CDK1: variants seen among roughly 807,000 people sequenced by gnomAD.
CDK1 encodes the protein cyclin-dependent kinase 1.
Under a neutral mutation model 34.6 loss-of-function variants are expected in CDK1, and 5 were observed. The observed-to-expected ratio is 0.14, with a 90% CI of 0.08 to 0.30. The LOEUF (loss-of-function observed/expected upper bound fraction) is 0.30, where lower values mean the gene tolerates loss of function less well. Among genes scored for constraint, CDK1 ranks in the 10% least tolerant of loss-of-function variants. CDK1 has a pLI of 1.00. For synonymous variants in CDK1, 108 were observed against 114.7 expected (o/e 0.94, Z 0.37); for missense variants, 157 against 345.7 (o/e 0.45, Z 4.33).
In CDK1 at chr10:60,791,936, C is replaced by G. The variant is rs767261283; in HGVS notation, c.536C>G (p.Ala179Gly). ...TCTCCAGAAGTATTGCTGGGGTCAG[C>G]TCGTTACTCAACTCCAGTTGACATT... Reference protein sequence around the residue: ...YRSPEVLLGSARYSTPVDIWS... With the variant: ...YRSPEVLLGSGRYSTPVDIWS... The change falls in exon 6 of 8, where the codon GCT (alanine) becomes GGT (glycine). Residue 179 changes from alanine to glycine, a missense_variant. Ala to Gly is a moderately conservative substitution (Grantham distance 60). Around this residue, in one of 3 missense-constraint regions of CDK1, gnomAD observed 102 missense variants for 233.6 expected, o/e 0.44. Coordinates refer to ENST00000395284, the MANE Select transcript of CDK1 (RefSeq NM_001786.5). 1 of 1,612,872 alleles carries G rather than the reference C, an allele frequency of 6.2e-7. No homozygotes were observed. The highest frequency in any genetic ancestry group is 8.5e-7 in the Non-Finnish European group (1 of 1,179,138).
intron 5 of CDK1, among the ~76,000 whole-genome samples, chr10:60,789,788 A>G (rs557800343): frequency 6.6e-6 from 1 of 152,318 alleles, no homozygotes; most frequent in Admixed American, 6.5e-5. Context: ...GCAAAATTAT[A>G]TGGTAGTTCT....
At chr10:60,788,555 G>T (rs2080334305) in intron 5 of CDK1, among the ~76,000 whole-genome samples, 1 of 151,690 alleles carries the variant, frequency 6.6e-6, no homozygotes, top group Admixed American at 6.6e-5. Flanking sequence ...ATCCTTTGTT[G>T]TACTTTAATT....
intron 4 of CDK1, chr10:60,786,216 T>C (rs1039779847): frequency 5.5e-6 from 5 of 908,722 alleles, no homozygotes; most frequent in Admixed American, 6.2e-5. Context: ...TACTGAAGTA[T>C]ATAAAAGTGT....
intron 4 of CDK1, chr10:60,786,491 C>A: frequency 2.4e-6 from 1 of 408,232 alleles, no homozygotes; most frequent in Non-Finnish European, 3.3e-6. Context: ...AAATTATTTT[C>A]CAACTTGGTT....
chr10:60,784,394 G>C (rs572651464), intron 2 of CDK1, among the ~76,000 whole-genome samples: 17 of 152,204 alleles, frequency 1.1e-4, no homozygotes, highest in Admixed American at 6.5e-4. Context: ...TTTTGGGGCG[G>C]CGAGGCAGGT....
Position 60,790,752 on chromosome 10 carries a change from C to CG in CDK1, c.490-1138_490-1137insG, listed in dbSNP as rs1421414185. On this transcript the variant is annotated intron_variant, in intron 5 of 7. Transcript: ENST00000395284. ...TTCATTGTTCTGCATGTGGATTATCCAGTTTTTCCAGCACCATTTATTGAA... is the reference window on the plus strand; with the variant it reads ...TTCATTGTTCTGCATGTGGATTATCCGAGTTTTTCCAGCACCATTTATTGAA... Among the ~76,000 whole-genome samples, 20 of 152,192 alleles carry CG rather than the reference C, an allele frequency of 1.3e-4. No homozygotes were observed. The East Asian group carries it at 3.9e-3, about 29-fold the overall frequency.
chr10:60,787,324 G>A (rs2080324733), intron 4 of CDK1, among the ~76,000 whole-genome samples: 1 of 152,068 alleles, frequency 6.6e-6, no homozygotes, highest in African/African-American at 2.4e-5. Flanking sequence ...GCTACGTTTG[G>A]TAGGTTAGGT....
At chr10:60,785,821 C>T in intron 4 of CDK1, 34 bp downstream of exon 4, 1 of 1,552,014 alleles carries the variant, frequency 6.4e-7, no homozygotes, top group Non-Finnish European at 8.7e-7. Flanking sequence ...AATATTTATG[C>T]ACTGTGGATA....
At chr10:60,792,116 C>T in intron 6 of CDK1, 32 bp from the exon 7 acceptor site, 1 of 1,597,260 alleles carries the variant, frequency 6.3e-7, no homozygotes, top group Non-Finnish European at 8.5e-7. Flanking sequence ...TACATTTATG[C>T]TTTAAGAAAT....
intron 3 of CDK1, 147 bp downstream of exon 3, chr10:60,785,008 C>T: frequency 1.5e-6 from 1 of 665,562 alleles, no homozygotes; most frequent in Non-Finnish European, 2.6e-6. Context: ...GAGAATGCCG[C>T]ACATATGTAA....
At chr10:60,788,280 G>T in intron 5 of CDK1, 50 bp downstream of exon 5, 1 of 1,216,534 alleles carries the variant, frequency 8.2e-7, no homozygotes, top group Non-Finnish European at 1.1e-6. Context: ...GTGATTGCTA[G>T]ATTATTTTCT....
intron 7 of CDK1, among the ~76,000 whole-genome samples, chr10:60,792,578 C>T (rs1049810431): frequency 4.0e-5 from 6 of 151,682 alleles, no homozygotes; most frequent in African/African-American, 9.7e-5. Context: ...ATTGTAGTGG[C>T]TCTCCTTTCT....
intron 4 of CDK1, chr10:60,786,294 T>TA (rs1445499416): frequency 1.0e-6 from 1 of 979,766 alleles, no homozygotes. Flanking sequence ...TTTGTAATCT[T>TA]ACACTTGTAT....
intron 6 of CDK1, 47 bp downstream of exon 6, chr10:60,792,100 T>A: frequency 6.3e-7 from 1 of 1,593,384 alleles, no homozygotes. Context: ...TATGTAACAA[T>A]GAGATTACAT....
At chr10:60,787,403 GTT>G (rs2080325608) in intron 4 of CDK1, among the ~76,000 whole-genome samples, 1 of 151,938 alleles carries the variant, frequency 6.6e-6, no homozygotes, top group South Asian at 2.1e-4. Flanking sequence ...CATCCGTTTT[GTT>G]TTGTTTTTTG....
At chr10:60,781,601 C>T (rs533740525) in intron 2 of CDK1, among the ~76,000 whole-genome samples, 1 of 152,176 alleles carries the variant, frequency 6.6e-6, no homozygotes, top group Admixed American at 6.6e-5. Context: ...AACACTGTCT[C>T]CAAAACCATC....
At position 60,793,180 on chromosome 10, in the gene CDK1, CT is replaced by C. The variant is rs374517859; in HGVS notation, c.796-693del. 2.0e-4 allele frequency among the ~76,000 whole-genome samples: 30 copies of C among 152,198 alleles called. No individual in the cohort carries two copies. The East Asian group carries it at 5.8e-3, about 29-fold the overall frequency. On this transcript the variant is annotated intron_variant, in intron 7 of 7. Transcript: ENST00000395284. ...ATTTGTAAAATGACATTAATACCTA[CT>C]TTTAGCTGTGGGAATTGAGTACCAT... is the stretch of plus-strand genomic sequence containing the variant.
At chr10:60,780,063 T>G (rs548420816) in intron 1 of CDK1, 78 bp from the exon 2 acceptor site, 1 of 732,730 alleles carries the variant, frequency 1.4e-6, no homozygotes, top group African/African-American at 1.8e-5. Context: ...GAAAATGCTT[T>G]ACATATAGTG....
At chr10:60,780,336 T>C (rs965118811) in intron 2 of CDK1, 134 bp downstream of exon 2, 3 of 629,248 alleles carry the variant, frequency 4.8e-6, no homozygotes, top group Non-Finnish European at 8.4e-6. Context: ...CATTAACATA[T>C]GTTCTTTACT....
Sources: gnomAD v4.1 joint callset for allele counts (sites outside exome capture counted in the v4.1 genomes callset) on GRCh38, gnomAD v4.1.1 for gene constraint, gnomAD v4.1.1 regional missense constraint, MANE v1.5 for transcripts, NCBI Gene and HGNC (gene_info 2026-07-23, HGNC 2026-07-21) for gene names.